Variants in ACOT12 observed in about 807,000 individuals in gnomAD.
ACOT12 encodes the protein acetyl-coenzyme A thioesterase.
Under a neutral mutation model 67.7 loss-of-function variants are expected in ACOT12, and 51 were observed. That is an observed-to-expected ratio of 0.75 (90% CI 0.60 to 0.95). The LOEUF is 0.95. Ranked by LOEUF, ACOT12 falls within the 40% of genes least tolerant of loss-of-function variation. The pLI is 0.00. For synonymous variants in ACOT12, 251 were observed against 244.6 expected, an observed-to-expected ratio of 1.03 and a Z score of -0.24; for missense variants, 734 against 708.1, an observed-to-expected ratio of 1.04 and a Z score of -0.41.
At chr5:81,346,862 G>A (rs915856018) in intron 6 of ACOT12, among the ~76,000 whole-genome samples, 3 of 152,072 alleles carry the variant, frequency 2.0e-5, no homozygotes, top group Non-Finnish European at 2.9e-5. Context: ...AATTTTCAAT[G>A]GTTATGAAAA....
At chr5:81,391,291 GGGC>G (rs1365318563) in intron 1 of ACOT12, among the ~76,000 whole-genome samples, 1 of 152,080 alleles carries the variant, frequency 6.6e-6, no homozygotes, top group Non-Finnish European at 1.5e-5. Flanking sequence ...CCCTGTCTTT[GGGC>G]TCTTCAAACC....
chr5:81,314,098 G>T, the ACOT12 span, among the ~76,000 whole-genome samples: 16 of 151,480 alleles, frequency 1.1e-4, no homozygotes, highest in South Asian at 4.2e-4. Context: ...ATTACTTTTT[G>T]TGTGTGTGTG....
At chr5:81,384,845 T>C (rs1760684131) in intron 2 of ACOT12, among the ~76,000 whole-genome samples, 1 of 152,130 alleles carries the variant, frequency 6.6e-6, no homozygotes, top group African/African-American at 2.4e-5. Context: ...GAGTTGATAA[T>C]TGCTATAGCT....
intron 5 of ACOT12, among the ~76,000 whole-genome samples, chr5:81,353,985 A>G (rs1206044559): frequency 6.6e-6 from 1 of 152,218 alleles, no homozygotes; most frequent in African/African-American, 2.4e-5. Flanking sequence ...GAGAAATCAC[A>G]TACTACACAG....
At chr5:81,329,938 T>C (rs1758761490), downstream of ACOT12, 1 of 153,008 alleles carries the variant, frequency 6.5e-6, no homozygotes, top group South Asian at 2.0e-4. Flanking sequence ...CAAATGCTCC[T>C]GACATATAGA....
Position 81,394,043 on chromosome 5 carries a change from G to A in ACOT12, c.72C>T (p.Gly24=). ...TGAGCAGCTGCCCCGCGCTCAGCTCGCCGCGCGCAGTGGCGTGCGCCGGCT... is the reference window on the plus strand; with the variant it reads ...TGAGCAGCTGCCCCGCGCTCAGCTCACCGCGCGCAGTGGCGTGCGCCGGCT... ...AIQPAHATAR[G]ELSAGQLLKW... is the part of the protein sequence containing the mutation. The change falls in exon 1 of 15, where the codon GGC becomes GGT. Residue 24 remains glycine (G), a synonymous_variant. Transcript: ENST00000307624. 6.8e-7 allele frequency: 1 copy of A among 1,472,042 alleles called. No homozygotes were observed. Among genetic ancestry groups the A allele is most frequent in the Non-Finnish European group, 8.9e-7 (1 of 1,117,540 alleles). The allele number at this position is 1,472,042 out of a possible 1,614,324, so 91.2% of individuals were successfully genotyped here.
intron 2 of ACOT12, among the ~76,000 whole-genome samples, chr5:81,375,791 A>G (rs1003285910): frequency 1.3e-5 from 2 of 152,230 alleles, no homozygotes; most frequent in African/African-American, 2.4e-5. Flanking sequence ...AAGAGTAACT[A>G]TCCTAAATAT....
intron 12 of ACOT12, among the ~76,000 whole-genome samples, chr5:81,334,123 C>T (rs78258442): frequency 0.025 from 3,782 of 152,268 alleles, 59 homozygotes; most frequent in African/African-American, 0.045. Context: ...CTCCTTCTGG[C>T]TCCCCATCCA....
chr5:81,385,022 A>G (rs2153859639), intron 2 of ACOT12, among the ~76,000 whole-genome samples: 1 of 152,360 alleles, frequency 6.6e-6, no homozygotes, highest in African/African-American at 2.4e-5. Flanking sequence ...TTTCACACAT[A>G]AAATGTTTTT....
intron 2 of ACOT12, among the ~76,000 whole-genome samples, chr5:81,374,392 G>A (rs12520468): frequency 0.11 from 16,131 of 152,024 alleles, 908 homozygotes; most frequent in Middle Eastern, 0.15. Context: ...AGAAAACAGC[G>A]CAAAAAGGCT....
chr5:81,374,145 G>T (rs1422030661), intron 2 of ACOT12, among the ~76,000 whole-genome samples: 6 of 152,200 alleles, frequency 3.9e-5, no homozygotes, highest in African/African-American at 1.4e-4. Flanking sequence ...GGAAGGAACA[G>T]GAGGGAATCT....
intron 1 of ACOT12, among the ~76,000 whole-genome samples, chr5:81,389,363 T>C (rs938946099): frequency 5.3e-5 from 8 of 152,170 alleles, no homozygotes; most frequent in African/African-American, 1.9e-4. Context: ...TTCAAGATAT[T>C]GTTGCACTGC....
intron 3 of ACOT12, among the ~76,000 whole-genome samples, chr5:81,367,540 C>A (rs1189615894): frequency 6.6e-6 from 1 of 151,788 alleles, no homozygotes; most frequent in Non-Finnish European, 1.5e-5. Flanking sequence ...ATTGCAAACC[C>A]GAGAAAAACA....
At chr5:81,327,733 G>A (rs868661449), downstream of ACOT12, among the ~76,000 whole-genome samples, 2 of 152,150 alleles carry the variant, frequency 1.3e-5, no homozygotes, top group Admixed American at 6.5e-5. Context: ...GAGCCACCGC[G>A]GCTGGCTGAG....
intron 7 of ACOT12, among the ~76,000 whole-genome samples, chr5:81,345,415 CTG>C (rs1015737513): frequency 1.1e-4 from 17 of 151,982 alleles, no homozygotes; most frequent in African/African-American, 4.1e-4. Flanking sequence ...AAAATAAACA[CTG>C]AAATTAGACA....
At chr5:81,345,157 A>G in intron 7 of ACOT12, 116 bp from the exon 8 acceptor site, 1 of 1,333,556 alleles carries the variant, frequency 7.5e-7, no homozygotes, top group Non-Finnish European at 1.0e-6. Flanking sequence ...CAACAGGAGG[A>G]TAAGGGCCTG....
intron 2 of ACOT12, among the ~76,000 whole-genome samples, chr5:81,377,825 G>C (rs1472294531): frequency 1.3e-5 from 2 of 152,116 alleles, no homozygotes; most frequent in East Asian, 3.8e-4. Context: ...CACTGCTCAA[G>C]GAAATAAGAC....
intron 2 of ACOT12, among the ~76,000 whole-genome samples, chr5:81,375,145 T>G (rs989043850): frequency 1.2e-4 from 18 of 152,358 alleles, no homozygotes; most frequent in African/African-American, 4.3e-4. Context: ...CGGATCTCTC[T>G]GCAGAAACCC....
chr5:81,330,629 G>C, intron 14 of ACOT12, 86 bp from the exon 15 acceptor site: 1 of 1,523,070 alleles, frequency 6.6e-7, no homozygotes, highest in Admixed American at 1.9e-5. Flanking sequence ...CTGGTGTAGG[G>C]GAGGCTAAGA....
Sources: gnomAD v4.1 joint callset for allele counts (sites outside exome capture counted in the v4.1 genomes callset) on GRCh38, gnomAD v4.1.1 for gene constraint, MANE v1.5 for transcripts, NCBI Gene and HGNC (gene_info 2026-07-23, HGNC 2026-07-21) for gene names.